FARP1: variants seen among roughly 807,000 people sequenced by gnomAD.
FARP1 encodes the protein FERM, ARH/RhoGEF and pleckstrin domain protein 1.
Under a neutral mutation model 128.8 loss-of-function variants are expected in FARP1, and 52 were observed. The ratio of observed to expected loss-of-function variants is 0.40; its 90% CI spans 0.32 to 0.51. The LOEUF (loss-of-function observed/expected upper bound fraction) is 0.51, where lower values mean the gene tolerates loss of function less well. FARP1 is among the 20% of genes least tolerant of loss of function. FARP1 has a pLI of 0.45. For missense variants in FARP1, 1,333 were observed against 1,367.9 expected, an observed-to-expected ratio of 0.97 and a Z score of 0.40; for synonymous variants, 580 against 551.8, an observed-to-expected ratio of 1.05 and a Z score of -0.72.
chr13:98,365,894 G>GGGGTGT (rs1555340768), intron 4 of FARP1, among the ~76,000 whole-genome samples: 2 of 148,264 alleles, frequency 1.3e-5, no homozygotes, highest in South Asian at 2.1e-4. Flanking sequence ...GTGTGTATGT[G>GGGGTGT]GTGTGTGTGT....
intron 13 of FARP1, chr13:98,407,125 G>A (rs1891010103): frequency 6.6e-6 from 1 of 152,640 alleles, no homozygotes; most frequent in South Asian, 2.1e-4. Flanking sequence ...CAAAGTCAAG[G>A]TGTCCAGCAT....
chr13:98,246,128 G>A (rs1249611454), intron 2 of FARP1, among the ~76,000 whole-genome samples: 2 of 92,504 alleles, frequency 2.2e-5, no homozygotes, highest in Non-Finnish European at 3.9e-5. Flanking sequence ...ACGGAGTCTC[G>A]CTGTCACCCA....
intron 2 of FARP1, among the ~76,000 whole-genome samples, chr13:98,226,993 T>C (rs1213551023): frequency 6.6e-6 from 1 of 152,000 alleles, no homozygotes; most frequent in East Asian, 1.9e-4. Context: ...CAGATTGGAG[T>C]GCAGTGGCAC....
chr13:98,218,570 T>C (rs973566785), intron 2 of FARP1, among the ~76,000 whole-genome samples: 1 of 152,160 alleles, frequency 6.6e-6, no homozygotes, highest in African/African-American at 2.4e-5. Flanking sequence ...GAGCAAACCT[T>C]GAGGCCCCCA....
intron 2 of FARP1, among the ~76,000 whole-genome samples, chr13:98,326,167 C>T (rs1361508455): frequency 6.6e-6 from 1 of 152,172 alleles, no homozygotes; most frequent in Admixed American, 6.5e-5. Flanking sequence ...TGTTGCCTGT[C>T]TATAGTGTTT....
chr13:98,267,213 C>T (rs1428512740), intron 2 of FARP1, among the ~76,000 whole-genome samples: 4 of 152,100 alleles, frequency 2.6e-5, no homozygotes, highest in Non-Finnish European at 4.4e-5. Context: ...CCTTTGATAC[C>T]GTGGCAGCAT....
chr13:98,431,628 A>AT (rs1892031874), intron 18 of FARP1: 2 of 173,568 alleles, frequency 1.2e-5, no homozygotes, highest in Non-Finnish European at 2.4e-5. Context: ...CGCCCGGCTA[A>AT]TTTTTGTATT....
At position 98,440,723 on chromosome 13, in the gene FARP1, GC is replaced by G. The variant is rs1566323152; in HGVS notation, c.2685del (p.Ser896ArgfsTer45). 6.2e-7 allele frequency: 1 copy of G among 1,613,560 alleles called. No individual in the cohort carries two copies. The highest frequency in any genetic ancestry group is 1.7e-5 in the Admixed American group (1 of 60,014). Reference sequence around the variant, plus strand: ...CCAGGAGTCAGAGGATGACCTGAGCGCCTCGCGCACATCGCTGGAGCGCCAG... The same window carrying G: ...CCAGGAGTCAGAGGATGACCTGAGCGCTCGCGCACATCGCTGGAGCGCCAG... Reference protein sequence around the residue: ...ADQESEDDLSASRTSLERQAP... With the variant: ...ADQESEDDLSXSRTSLERQAP... On this transcript the variant is annotated frameshift_variant, in exon 24 of 27. Transcript: ENST00000319562. LOFTEE classifies it high-confidence loss of function.
chr13:98,372,531 G>A (rs185000198), intron 5 of FARP1, among the ~76,000 whole-genome samples: 192 of 152,252 alleles, frequency 1.3e-3, no homozygotes, highest in African/African-American at 4.2e-3. Context: ...TAGGTGAGGG[G>A]ACCCTATCAG....
chr13:98,425,843 T>C (rs1231480949), intron 17 of FARP1, among the ~76,000 whole-genome samples: 3 of 152,262 alleles, frequency 2.0e-5, no homozygotes, highest in African/African-American at 2.4e-5. Context: ...TTTTTTTGTT[T>C]TCATTTGAAT....
intron 2 of FARP1, among the ~76,000 whole-genome samples, chr13:98,270,997 C>T (rs566709562): frequency 1.1e-4 from 17 of 152,210 alleles, no homozygotes; most frequent in African/African-American, 2.4e-4. Context: ...TGATGTAAGA[C>T]GAGGCGAATT....
intron 1 of FARP1, among the ~76,000 whole-genome samples, chr13:98,212,742 A>G (rs1880810037): frequency 6.6e-6 from 1 of 152,100 alleles, no homozygotes; most frequent in Admixed American, 6.5e-5. Context: ...CTGCGAGTGT[A>G]TGTCTATTTC....
rs1878030096 is a variant in FARP1 at position 98,176,393 on chromosome 13, C to T, written c.-24+32901C>T. 1.2e-6 allele frequency: 2 copies of T among 1,614,204 alleles called. No individual in the cohort carries two copies. The highest frequency in any genetic ancestry group is 4.5e-5 in the East Asian group (2 of 44,878). On this transcript the variant is annotated intron_variant, in intron 1 of 26. Coordinates refer to ENST00000319562, the MANE Select transcript of FARP1 (RefSeq NM_005766.4). The surrounding 1 kb of genome is among the most constrained non-coding windows in gnomAD (Gnocchi z 6.2). The stretch of plus-strand genomic sequence containing the variant: ...CAGCGCGGGGTGGCCCGGAAGTGCT[C>T]CAGCGCGCAGCTCTCGCAGAAATAA...
At chr13:98,245,423 A>G (rs2282049) in intron 2 of FARP1, 307,141 of 812,978 alleles carry the variant, frequency 0.38, 58,688 homozygotes, top group East Asian at 0.63. Context: ...ATGTGACAAA[A>G]TCATACACTG....
intron 17 of FARP1, among the ~76,000 whole-genome samples, chr13:98,430,185 G>A (rs1358659012): frequency 6.6e-6 from 1 of 152,108 alleles, no homozygotes; most frequent in African/African-American, 2.4e-5. Context: ...CCAGGAGTTC[G>A]AGGCTGCAGT....
intron 4 of FARP1, among the ~76,000 whole-genome samples, chr13:98,365,894 G>GGTGTGTGTGTGTGT (rs55871546): frequency 2.0e-4 from 29 of 148,378 alleles, no homozygotes; most frequent in African/African-American, 6.3e-4. Context: ...GTGTGTATGT[G>GGTGTGTGTGTGTGT]GTGTGTGTGT....
chr13:98,349,829 T>G (rs933541370), intron 3 of FARP1, among the ~76,000 whole-genome samples: 3 of 152,118 alleles, frequency 2.0e-5, no homozygotes, highest in African/African-American at 7.2e-5. Flanking sequence ...AAAAGCTTTG[T>G]CAATAGTGGG....
At chr13:98,358,577 A>G (rs1788058898) in intron 3 of FARP1, among the ~76,000 whole-genome samples, 1 of 152,184 alleles carries the variant, frequency 6.6e-6, no homozygotes, top group South Asian at 2.1e-4. Flanking sequence ...AAAGTCAAAT[A>G]ATTTTTAAAA....
At chr13:98,334,527 T>C (rs904929032) in intron 2 of FARP1, among the ~76,000 whole-genome samples, 15 of 152,192 alleles carry the variant, frequency 9.9e-5, no homozygotes, top group African/African-American at 3.6e-4. Flanking sequence ...CATGGTTTCA[T>C]TGAATTCTCA....
Sources: gnomAD v4.1 joint callset for allele counts (sites outside exome capture counted in the v4.1 genomes callset) on GRCh38, gnomAD v4.1.1 for gene constraint, Gnocchi (gnomAD v3.1) non-coding constraint, MANE v1.5 for transcripts, NCBI Gene and HGNC (gene_info 2026-07-23, HGNC 2026-07-21) for gene names.